The following DSG1 variants were observed in gnomAD, a reference collection of about 807,000 sequenced individuals.
DSG1 encodes the protein desmoglein-1.
In DSG1, 39 loss-of-function variants were observed where a neutral mutation model predicts 97.5. The ratio of observed to expected loss-of-function variants is 0.40; its 90% CI spans 0.31 to 0.52. The LOEUF (loss-of-function observed/expected upper bound fraction) is 0.52. Ranked by LOEUF, DSG1 falls within the 20% of genes least tolerant of loss-of-function variation. The pLI, the probability that DSG1 is intolerant of heterozygous loss-of-function variation, is 0.53. For missense variants in DSG1, 1,311 were observed against 1,295.4 expected, an observed-to-expected ratio of 1.01 and a Z score of -0.18; for synonymous variants, 475 against 443.4, an observed-to-expected ratio of 1.07 and a Z score of -0.90.
intron 14 of DSG1, among the ~76,000 whole-genome samples, chr18:31,351,054 T>C (rs1022150663): frequency 4.0e-5 from 6 of 149,486 alleles, no homozygotes; most frequent in Admixed American, 2.0e-4. Flanking sequence ...CTTTTAATTG[T>C]GATGTTAGGG....
At chr18:31,336,263 A>G (rs908267523) in intron 8 of DSG1, 91 bp from the exon 9 acceptor site, 6 of 1,106,150 alleles carry the variant, frequency 5.4e-6, no homozygotes, top group Admixed American at 5.0e-5. Context: ...AAGAAAGATA[A>G]TAAGTTTTTT....
At chr18:31,353,668 C>T (rs1335091753) in intron 14 of DSG1, among the ~76,000 whole-genome samples, 8 of 152,184 alleles carry the variant, frequency 5.3e-5, no homozygotes, top group African/African-American at 1.7e-4. Context: ...GATATAATCT[C>T]GTGGTGCGCC....
Position 31,336,483 on chromosome 18 carries a change from G to C in DSG1, c.1135G>C (p.Val379Leu). 1.2e-6 allele frequency: 2 copies of C among 1,613,982 alleles called. No homozygotes were observed. Among genetic ancestry groups the C allele is most frequent in the Non-Finnish European group, 1.7e-6 (2 of 1,179,932 alleles). Reference protein sequence around the residue: ...ASAISVTVLNVIEGPVFRPGS... With the variant: ...ASAISVTVLNLIEGPVFRPGS... ...TGCAATTTCTGTGACTGTGTTAAAT[G>C]TAATTGAAGGCCCAGTGTTTCGTCC... The change falls in exon 9 of 15, where the codon GTA becomes CTA. Residue 379 changes from valine to leucine, a missense_variant. Val to Leu is a conservative substitution (Grantham distance 32, BLOSUM62 1). Transcript: ENST00000257192.
rs2071723482 is a variant in DSG1 at position 31,331,877 on chromosome 18, T to C, written c.684+10T>C. 1.2e-5 allele frequency: 20 copies of C among 1,610,290 alleles called. No homozygotes were observed. The highest frequency in any genetic ancestry group is 1.5e-5 in the Non-Finnish European group (18 of 1,178,066). On this transcript the variant is annotated intron_variant, in intron 6 of 14. Coordinates refer to ENST00000257192, the MANE Select transcript of DSG1 (RefSeq NM_001942.4). ...TTTTCTAGACAGAGAGGTAATTCTTTTTCTTTAAGTGGGTTTTTGGTCTCA... is the reference window on the plus strand; with the variant it reads ...TTTTCTAGACAGAGAGGTAATTCTTCTTCTTTAAGTGGGTTTTTGGTCTCA...
chr18:31,321,219 G>A (rs2071651743), intron 1 of DSG1, among the ~76,000 whole-genome samples: 1 of 151,992 alleles, frequency 6.6e-6, no homozygotes, highest in Non-Finnish European at 1.5e-5. Flanking sequence ...CATCACTCAG[G>A]CTAAAATACA....
Position 31,339,825 on chromosome 18 carries a change from C to G in DSG1, c.1487C>G (p.Pro496Arg), listed in dbSNP as rs143742729. 1 of 1,613,480 alleles carries G rather than the reference C, an allele frequency of 6.2e-7. No individual in the cohort carries two copies. Among genetic ancestry groups the G allele is most frequent in the South Asian group, 1.1e-5 (1 of 91,060 alleles). ...FGNDDRTNTE[P>R]NTKITTNTGR... Reference sequence around the variant, plus strand: ...AATGACGACAGGACTAATACAGAGCCGAACACTAAAATTACTACCAATACT... The same window carrying G: ...AATGACGACAGGACTAATACAGAGCGGAACACTAAAATTACTACCAATACT... The change falls in exon 11 of 15, where the codon CCG (proline) becomes CGG (arginine). Residue 496 changes from proline (P) to arginine (R), a missense_variant. Around this residue, in one of 3 missense-constraint regions of DSG1, gnomAD observed 1,038 missense variants for 964.6 expected, o/e 1.08. Coordinates refer to ENST00000257192, the MANE Select transcript of DSG1 (RefSeq NM_001942.4).
At chr18:31,339,429 T>C (rs1438714334) in intron 10 of DSG1, among the ~76,000 whole-genome samples, 1 of 152,044 alleles carries the variant, frequency 6.6e-6, no homozygotes. Flanking sequence ...ATGAATTTGG[T>C]TTCTGGTTTT....
At chr18:31,344,780 T>C (rs947047218) in intron 13 of DSG1, among the ~76,000 whole-genome samples, 2 of 152,190 alleles carry the variant, frequency 1.3e-5, no homozygotes, top group African/African-American at 4.8e-5. Flanking sequence ...AAATAACATC[T>C]CATATCTGTG....
Position 31,334,018 on chromosome 18 carries a change from A to G in DSG1, c.821A>G (p.Tyr274Cys). The change falls in exon 8 of 15, where the codon TAT becomes TGT. Residue 274 changes from tyrosine (Y) to cysteine (C), a missense_variant and splice_region_variant. Tyr to Cys is a radical substitution (Grantham distance 194). Transcript: ENST00000257192. ...DNIPYMEQSS[Y>C]TIEIQENTLN... ...AAGAGTTTTCACTTCTTGTTTCAGT[A>G]TACCATAGAAATTCAAGAAAATACT... 2 of 1,596,900 alleles carry G rather than the reference A, an allele frequency of 1.3e-6. No individual in the cohort carries two copies. The highest frequency in any genetic ancestry group is 1.7e-6 in the Non-Finnish European group (2 of 1,164,794).
At chr18:31,320,000 A>C (rs1401255045) in intron 1 of DSG1, among the ~76,000 whole-genome samples, 2 of 151,956 alleles carry the variant, frequency 1.3e-5, no homozygotes, top group African/African-American at 4.8e-5. Flanking sequence ...GCCTTATGAA[A>C]ATTTTTTCTC....
intron 9 of DSG1, 107 bp from the exon 10 acceptor site, chr18:31,338,208 G>C: frequency 8.4e-7 from 1 of 1,189,296 alleles, no homozygotes; most frequent in Non-Finnish European, 1.2e-6. Context: ...ATTGAAAACT[G>C]TATCTAGGGA....
chr18:31,353,695 G>T (rs1248134319), intron 14 of DSG1, among the ~76,000 whole-genome samples: 7 of 150,186 alleles, frequency 4.7e-5, no homozygotes, highest in Admixed American at 4.0e-4. Context: ...TAAGCCCGTC[G>T]GAAAAGCGCA....
rs1156423366 is a variant in DSG1 at position 31,355,441 on chromosome 18, G to A, written c.*95G>A. On this transcript the variant is annotated 3_prime_UTR_variant, in exon 15 of 15. Transcript: ENST00000257192. ...AATGTGATTTATAACGCACAACTTC[G>A]TGCTCAGGTCATCTAGGAGCAAGGT... 2.9e-5 allele frequency: 37 copies of A among 1,266,888 alleles called. No individual in the cohort carries two copies. Among genetic ancestry groups the A allele is most frequent in the Middle Eastern group, 4.4e-4 (2 of 4,586 alleles). 78.5% of individuals were successfully genotyped at this position (1,266,888 alleles called of 1,614,324 possible).
chr18:31,318,483 T>C, intron 1 of DSG1, 135 bp downstream of exon 1: 1 of 780,622 alleles, frequency 1.3e-6, no homozygotes, highest in Non-Finnish European at 2.3e-6. Flanking sequence ...GATGATTTTA[T>C]GAACTAGATT....
At chr18:31,322,084 G>A (rs959349611) in intron 1 of DSG1, among the ~76,000 whole-genome samples, 5 of 152,118 alleles carry the variant, frequency 3.3e-5, no homozygotes, top group Non-Finnish European at 7.3e-5. Context: ...GCTCTTAATT[G>A]GTCTATGAGA....
intron 9 of DSG1, among the ~76,000 whole-genome samples, chr18:31,337,148 G>A (rs895216006): frequency 2.0e-5 from 3 of 152,228 alleles, no homozygotes; most frequent in Non-Finnish European, 4.4e-5. Context: ...AAAAAAATCT[G>A]TGCGTGCACA....
chr18:31,319,908 T>C (rs1307097478), intron 1 of DSG1, among the ~76,000 whole-genome samples: 1 of 151,960 alleles, frequency 6.6e-6, no homozygotes, highest in Non-Finnish European at 1.5e-5. Context: ...TTTTTTTTGT[T>C]GGCTTATGGG....
chr18:31,328,539 AG>A (rs2071700904), intron 4 of DSG1, among the ~76,000 whole-genome samples, 195 bp downstream of exon 4: 1 of 152,172 alleles, frequency 6.6e-6, no homozygotes, highest in South Asian at 2.1e-4. Context: ...CTTAAGTGTC[AG>A]CAAAAATGCT....
At chr18:31,343,761 G>T (rs1165783826) in intron 12 of DSG1, 165 bp from the exon 13 acceptor site, 5 of 1,165,060 alleles carry the variant, frequency 4.3e-6, no homozygotes, top group Non-Finnish European at 5.0e-6. Context: ...AACCAGGGAA[G>T]ATTTTCTAAG....
Sources: allele counts gnomAD v4.1 joint callset (sites outside exome capture counted in the v4.1 genomes callset), GRCh38; gene constraint gnomAD v4.1.1; regional missense constraint gnomAD v4.1.1; transcripts MANE v1.5; gene names NCBI Gene and HGNC (gene_info 2026-07-23, HGNC 2026-07-21).